The following PTPRT variants were observed in gnomAD, a reference collection of about 807,000 sequenced individuals.
PTPRT encodes receptor-type tyrosine-protein phosphatase T.
PTPRT carries 56 observed loss-of-function variants against 176.8 expected under a neutral mutation model. The observed-to-expected ratio is 0.32, with a 90% CI of 0.26 to 0.40. The LOEUF is 0.40. Ranked by LOEUF, PTPRT falls within the 10% of genes least tolerant of loss-of-function variation. The pLI, the probability that PTPRT is intolerant of heterozygous loss-of-function variation, is 1.00. For missense variants in PTPRT, 1,540 were observed against 1,908.2 expected, an observed-to-expected ratio of 0.81 and a Z score of 3.60; for synonymous variants, 783 against 739.0, an observed-to-expected ratio of 1.06 and a Z score of -0.96.
intron 7 of PTPRT, among the ~76,000 whole-genome samples, chr20:42,604,984 G>A (rs181609346): frequency 5.0e-4 from 76 of 152,286 alleles, no homozygotes; most frequent in African/African-American, 1.7e-3. Flanking sequence ...CAGCAGGGGT[G>A]TCTGATATAG....
intron 14 of PTPRT, among the ~76,000 whole-genome samples, chr20:42,238,009 G>A (rs923009100): frequency 6.6e-5 from 10 of 152,140 alleles, no homozygotes; most frequent in African/African-American, 1.9e-4. Flanking sequence ...TCTCAAGTAG[G>A]AAATATCCAA....
chr20:43,187,207 A>G (rs537317370), intron 1 of PTPRT, among the ~76,000 whole-genome samples: 1 of 152,386 alleles, frequency 6.6e-6, no homozygotes, highest in South Asian at 2.1e-4. Context: ...ATGTAACCTT[A>G]TAAATTGAAA....
intron 16 of PTPRT, among the ~76,000 whole-genome samples, chr20:42,191,916 C>G (rs1991017935): frequency 6.6e-6 from 1 of 151,838 alleles, no homozygotes; most frequent in Non-Finnish European, 1.5e-5. Flanking sequence ...AACAAGTACT[C>G]AATGAGTATC....
At chr20:42,956,356 C>T (rs1026352451) in intron 1 of PTPRT, among the ~76,000 whole-genome samples, 1 of 152,122 alleles carries the variant, frequency 6.6e-6, no homozygotes, top group Non-Finnish European at 1.5e-5. Flanking sequence ...TGAGCTCTCA[C>T]AAGATCCAGT....
intron 7 of PTPRT, among the ~76,000 whole-genome samples, chr20:42,501,246 G>A (rs2071746301): frequency 1.3e-5 from 2 of 152,096 alleles, no homozygotes; most frequent in African/African-American, 4.8e-5. Flanking sequence ...CCTTAGGTTT[G>A]GGAGAGTCCA....
At chr20:42,913,051 T>A (rs191037880) in intron 1 of PTPRT, among the ~76,000 whole-genome samples, 1 of 151,374 alleles carries the variant, frequency 6.6e-6, no homozygotes, top group Non-Finnish European at 1.5e-5. Flanking sequence ...AGTCTCTCCA[T>A]CAGTAAAATA....
At chr20:43,078,315 A>G (rs2011334340) in intron 1 of PTPRT, among the ~76,000 whole-genome samples, 1 of 152,190 alleles carries the variant, frequency 6.6e-6, no homozygotes, top group Non-Finnish European at 1.5e-5. Context: ...CTTGAAGCTG[A>G]CCACTCAGCC....
At chr20:42,732,045 G>A (rs1426782309) in intron 6 of PTPRT, among the ~76,000 whole-genome samples, 4 of 152,150 alleles carry the variant, frequency 2.6e-5, no homozygotes, top group Admixed American at 1.3e-4. Context: ...ATCACAATTT[G>A]TAATTCTATA....
chr20:43,096,975 A>C (rs2012196205), intron 1 of PTPRT, among the ~76,000 whole-genome samples: 1 of 152,224 alleles, frequency 6.6e-6, no homozygotes, highest in African/African-American at 2.4e-5. Flanking sequence ...AGATTAAATT[A>C]AAAAGCCAAA....
intron 27 of PTPRT, among the ~76,000 whole-genome samples, chr20:42,096,107 G>A (rs563719902): frequency 2.6e-5 from 4 of 152,134 alleles, no homozygotes; most frequent in Admixed American, 1.3e-4. Flanking sequence ...ATGTTTTCAC[G>A]TCCAATTCCA....
intron 2 of PTPRT, among the ~76,000 whole-genome samples, chr20:42,818,332 C>T (rs2077827245): frequency 6.6e-6 from 1 of 151,654 alleles, no homozygotes; most frequent in Non-Finnish European, 1.5e-5. Context: ...GTGACAACAA[C>T]AGCATCAACA....
intron 14 of PTPRT, among the ~76,000 whole-genome samples, chr20:42,246,491 G>A (rs1429057202): frequency 3.9e-5 from 6 of 152,150 alleles, no homozygotes; most frequent in Non-Finnish European, 8.8e-5. Flanking sequence ...GGGTCTGATG[G>A]ACAGTTTTGA....
chr20:43,111,473 G>A (rs557679117), intron 1 of PTPRT, among the ~76,000 whole-genome samples: 1 of 151,832 alleles, frequency 6.6e-6, no homozygotes, highest in Non-Finnish European at 1.5e-5. Flanking sequence ...GAACCTGGGA[G>A]GTGGAGGTTG....
chr20:42,448,575 G>A (rs954682265), intron 8 of PTPRT, among the ~76,000 whole-genome samples: 1 of 152,154 alleles, frequency 6.6e-6, no homozygotes, highest in African/African-American at 2.4e-5. Context: ...TATGAAAACA[G>A]GCAATGGGCT....
At chr20:42,638,333 T>A (rs2074655600) in intron 7 of PTPRT, among the ~76,000 whole-genome samples, 1 of 152,074 alleles carries the variant, frequency 6.6e-6, no homozygotes, top group South Asian at 2.1e-4. Context: ...GGGCTGAACA[T>A]CTACTTTGCC....
At chr20:42,519,674 T>C (rs1202020780) in intron 7 of PTPRT, among the ~76,000 whole-genome samples, 1 of 152,136 alleles carries the variant, frequency 6.6e-6, no homozygotes, top group Non-Finnish European at 1.5e-5. Flanking sequence ...TGTTTTGAAT[T>C]AATTGAGTCC....
At chr20:42,259,997 A>C (rs1397400372) in intron 13 of PTPRT, among the ~76,000 whole-genome samples, 1 of 152,228 alleles carries the variant, frequency 6.6e-6, no homozygotes, top group Non-Finnish European at 1.5e-5. Flanking sequence ...TAATGATGAC[A>C]GTGGCTATAG....
the PTPRT span, among the ~76,000 whole-genome samples, chr20:42,046,778 A>AGTGTCTGTGT: frequency 6.6e-6 from 1 of 150,706 alleles, no homozygotes; most frequent in East Asian, 2.0e-4. Context: ...TTGTCATGTG[A>AGTGTCTGTGT]GTGTGTGTGT....
intron 12 of PTPRT, among the ~76,000 whole-genome samples, chr20:42,306,612 A>G (rs2057547557): frequency 6.6e-6 from 1 of 152,184 alleles, no homozygotes. Context: ...TACATAGACT[A>G]TAGTGACAAG....
Sources: allele counts gnomAD v4.1 joint callset (sites outside exome capture counted in the v4.1 genomes callset), GRCh38; gene constraint gnomAD v4.1.1; transcripts MANE v1.5; gene names NCBI Gene and HGNC (gene_info 2026-07-23, HGNC 2026-07-21).